CSMD1: variants seen among roughly 807,000 people sequenced by gnomAD.
CSMD1 encodes the protein CUB and sushi domain-containing protein 1.
In CSMD1, 213 loss-of-function variants were observed where a neutral mutation model predicts 417.5. The observed-to-expected ratio is 0.51, with a 90% CI of 0.46 to 0.57. The LOEUF is 0.57. Among genes scored for constraint, CSMD1 ranks in the 20% least tolerant of loss-of-function variants. The pLI, the probability that CSMD1 is intolerant of heterozygous loss-of-function variation, is 0.00. For synonymous variants in CSMD1, 2,862 were observed against 1,736.8 expected (o/e 1.65, Z -16.11); for missense variants, 6,923 against 4,529.7 (o/e 1.53, Z -15.17).
chr8:3,239,886 T>C (rs2098763), intron 26 of CSMD1, among the ~76,000 whole-genome samples: 120,211 of 151,744 alleles, frequency 0.79, 49,682 homozygotes, highest in Non-Finnish European at 0.92. Context: ...TGTGGGAGGC[T>C]GGATTGAAGT....
At chr8:3,798,957 G>C (rs1585016934) in intron 5 of CSMD1, among the ~76,000 whole-genome samples, 1 of 152,062 alleles carries the variant, frequency 6.6e-6, no homozygotes, top group African/African-American at 2.4e-5. Flanking sequence ...CTCTTTAGTA[G>C]ATCCATTTAT....
intron 3 of CSMD1, among the ~76,000 whole-genome samples, chr8:4,243,775 A>C (rs984218025): frequency 6.6e-5 from 10 of 152,236 alleles, no homozygotes; most frequent in African/African-American, 2.4e-4. Flanking sequence ...GTATTCAACG[A>C]GGAAAGAAAG....
intron 1 of CSMD1, among the ~76,000 whole-genome samples, chr8:4,798,942 T>C (rs1585117680): frequency 1.3e-5 from 2 of 152,178 alleles, no homozygotes; most frequent in East Asian, 3.9e-4. Flanking sequence ...CCATTCTTGA[T>C]CTGCCCTCCA....
At chr8:3,096,779 T>G (rs1815335954) in intron 47 of CSMD1, 70 bp downstream of exon 47, 1 of 1,004,050 alleles carries the variant, frequency 1.0e-6, no homozygotes, top group African/African-American at 1.6e-5. Context: ...TTTATGTTAC[T>G]AAAACATTGT....
intron 46 of CSMD1, among the ~76,000 whole-genome samples, chr8:3,101,907 T>C (rs1815784114): frequency 6.7e-6 from 1 of 149,532 alleles, no homozygotes; most frequent in Non-Finnish European, 1.5e-5. Flanking sequence ...GTTCAAGCAA[T>C]TCTCCAGCCT....
chr8:4,019,912 A>AT lies in CSMD1; in HGVS notation c.610+11992dup, dbSNP rs1316675226. On this transcript the variant is annotated intron_variant, in intron 4 of 69. Transcript: ENST00000635120. Reference sequence around the variant, plus strand: ...TTATTCTAAAGAATAGCAGTAATTCATTAAAAAAAAAAAAAAAAACCCTTT... The same window carrying AT: ...TTATTCTAAAGAATAGCAGTAATTCATTTAAAAAAAAAAAAAAAAACCCTTT... Among the ~76,000 whole-genome samples, 11 of 43,272 alleles carry AT rather than the reference A, an allele frequency of 2.5e-4. No homozygotes were observed. The East Asian group carries it at 0.011, about 44-fold the overall frequency. 28.4% of individuals were successfully genotyped at this position (43,272 alleles called of 152,430 possible). A position where few individuals can be genotyped will look rare whatever the true frequency, so the allele number is the denominator to read the frequency against.
intron 26 of CSMD1, among the ~76,000 whole-genome samples, chr8:3,250,037 T>A (rs754620421): frequency 6.6e-6 from 1 of 152,272 alleles, no homozygotes; most frequent in South Asian, 2.1e-4. Context: ...GCAGACTCCA[T>A]GTGACCAAGT....
At chr8:4,170,636 T>C (rs760331321) in intron 3 of CSMD1, among the ~76,000 whole-genome samples, 1 of 151,886 alleles carries the variant, frequency 6.6e-6, no homozygotes, top group Non-Finnish European at 1.5e-5. Context: ...AAACATTTGT[T>C]TTATTACATT....
intron 3 of CSMD1, among the ~76,000 whole-genome samples, chr8:4,287,683 T>C (rs1039565253): frequency 9.3e-5 from 14 of 149,954 alleles, no homozygotes; most frequent in African/African-American, 2.4e-4. Context: ...ATTATTATTA[T>C]TACTACTACT....
intron 40 of CSMD1, among the ~76,000 whole-genome samples, chr8:3,148,581 G>T (rs1176852781): frequency 1.3e-5 from 2 of 152,130 alleles, no homozygotes; most frequent in Non-Finnish European, 2.9e-5. Flanking sequence ...ATATTACAAG[G>T]GAGAAGACGC....
At chr8:4,445,023 C>G (rs556275925) in intron 2 of CSMD1, among the ~76,000 whole-genome samples, 2 of 152,134 alleles carry the variant, frequency 1.3e-5, no homozygotes, top group East Asian at 1.9e-4. Context: ...AAAATGAAAA[C>G]CTATACCCAT....
intron 25 of CSMD1, among the ~76,000 whole-genome samples, chr8:3,288,448 A>T (rs1803312363): frequency 6.8e-6 from 1 of 146,910 alleles, no homozygotes; most frequent in Admixed American, 6.7e-5. Context: ...TTTGGTTGGT[A>T]AGCTACTGAT....
At chr8:4,534,825 T>A (rs1797654124) in intron 2 of CSMD1, among the ~76,000 whole-genome samples, 1 of 152,166 alleles carries the variant, frequency 6.6e-6, no homozygotes, top group Non-Finnish European at 1.5e-5. Context: ...TGCAGTAGTG[T>A]GATCTCAGCT....
At chr8:3,856,040 G>A (rs1804286510) in intron 5 of CSMD1, among the ~76,000 whole-genome samples, 1 of 151,696 alleles carries the variant, frequency 6.6e-6, no homozygotes, top group African/African-American at 2.4e-5. Flanking sequence ...AAACTTTTAT[G>A]TCATTCACAT....
chr8:4,024,621 G>T (rs868036592), intron 4 of CSMD1, among the ~76,000 whole-genome samples: 1 of 152,104 alleles, frequency 6.6e-6, no homozygotes. Flanking sequence ...GGTTCTTTGA[G>T]GTACAAGCAG....
At chr8:4,727,745 C>T (rs192779092) in intron 1 of CSMD1, among the ~76,000 whole-genome samples, 1 of 151,840 alleles carries the variant, frequency 6.6e-6, no homozygotes, top group Non-Finnish European at 1.5e-5. Context: ...TTTTTCTTCT[C>T]TGAATCTCAG....
intron 26 of CSMD1, among the ~76,000 whole-genome samples, chr8:3,251,976 C>A (rs140617355): frequency 6.6e-6 from 1 of 152,016 alleles, no homozygotes; most frequent in African/African-American, 2.4e-5. Context: ...TGAGACAATG[C>A]GGTTTTCTAG....
chr8:3,314,560 C>G (rs1000468627), intron 23 of CSMD1, among the ~76,000 whole-genome samples: 7 of 152,148 alleles, frequency 4.6e-5, no homozygotes, highest in African/African-American at 1.7e-4. Flanking sequence ...ACAATCAAAA[C>G]TTGAATGTAT....
chr8:3,536,144 C>G (rs769291274), intron 10 of CSMD1, among the ~76,000 whole-genome samples: 2 of 152,202 alleles, frequency 1.3e-5, no homozygotes, highest in East Asian at 1.9e-4. Context: ...TCCGGATCAT[C>G]AACTGTCATT....
Sources: allele counts gnomAD v4.1 joint callset (sites outside exome capture counted in the v4.1 genomes callset), GRCh38; gene constraint gnomAD v4.1.1; transcripts MANE v1.5; gene names NCBI Gene and HGNC (gene_info 2026-07-23, HGNC 2026-07-21).